WWC1: variants seen among roughly 807,000 people sequenced by gnomAD.
WWC1 encodes the protein WW and C2 domain containing 1, also known as protein KIBRA.
A neutral mutation model predicts 138.4 loss-of-function variants in WWC1; 55 were observed. That is an observed-to-expected ratio of 0.40 (90% confidence interval 0.32 to 0.50). The LOEUF is 0.50. Ranked by LOEUF, WWC1 falls within the 20% of genes least tolerant of loss-of-function variation. The pLI, the probability that WWC1 is intolerant of heterozygous loss-of-function variation, is 0.72. For synonymous variants in WWC1, 524 were observed against 564.9 expected (o/e 0.93, Z 1.03); for missense variants, 1,226 against 1,420.4 (o/e 0.86, Z 2.20).
chr5:168,400,481 G>A (rs1172589776), intron 5 of WWC1, among the ~76,000 whole-genome samples: 2 of 152,160 alleles, frequency 1.3e-5, no homozygotes, highest in Non-Finnish European at 2.9e-5. Context: ...TGATTGTGAC[G>A]ATATTAGCTA....
At position 168,469,214 on chromosome 5, in the gene WWC1, C is replaced by A; in HGVS notation, c.*197C>A. ...ACAGAACAAAAACAAAACACACACACACACAAAAACAGAAACAAAAAAAAC... is the reference window on the plus strand; with the variant it reads ...ACAGAACAAAAACAAAACACACACAAACACAAAAACAGAAACAAAAAAAAC... On this transcript the variant is annotated 3_prime_UTR_variant, in exon 23 of 23. Coordinates refer to ENST00000265293, the MANE Select transcript of WWC1 (RefSeq NM_015238.3). 1 of 553,878 alleles carries A rather than the reference C, an allele frequency of 1.8e-6. No individual in the cohort carries two copies. The highest frequency in any genetic ancestry group is 3.2e-6 in the Non-Finnish European group (1 of 310,288). The allele number at this position is 553,878 out of a possible 1,614,324, so 34.3% of individuals were successfully genotyped here.
Position 168,348,186 on chromosome 5 carries a change from G to A in WWC1, c.120-23238G>A, listed in dbSNP as rs59101962. Among the ~76,000 whole-genome samples, 771 of 152,314 alleles carry A rather than the reference G, an allele frequency of 5.1e-3. 6 individuals are homozygous for A. Among genetic ancestry groups the A allele is most frequent in the African/African-American group, 0.018 (741 of 41,566 alleles). ...CCTGAAGGTGGCCAAGAGAAGTGAT[G>A]TGCACCGGCCACACAGCTGGCAAGT... On this transcript the variant is annotated intron_variant, in intron 1 of 22. Coordinates refer to ENST00000265293, the MANE Select transcript of WWC1 (RefSeq NM_015238.3).
intron 1 of WWC1, among the ~76,000 whole-genome samples, chr5:168,322,522 T>C (rs368234681): frequency 3.3e-5 from 5 of 152,336 alleles, no homozygotes; most frequent in African/African-American, 9.6e-5. Flanking sequence ...GACTAAAAGC[T>C]TTAAGAGGGC....
chr5:168,455,815 G>T (rs1365988974), intron 19 of WWC1, among the ~76,000 whole-genome samples: 1 of 152,138 alleles, frequency 6.6e-6, no homozygotes, highest in Non-Finnish European at 1.5e-5. Context: ...GCTGAGATCA[G>T]AGGGGGACCC....
intron 1 of WWC1, among the ~76,000 whole-genome samples, chr5:168,339,845 C>CTTTTTCT (rs1773844341): frequency 6.1e-5 from 9 of 146,772 alleles, no homozygotes; most frequent in African/African-American, 1.8e-4. Flanking sequence ...TCTTTTCTTT[C>CTTTTTCT]TTTCTTTCTC....
chr5:168,441,101 A>G (rs1049071282), intron 15 of WWC1, among the ~76,000 whole-genome samples: 1 of 152,206 alleles, frequency 6.6e-6, no homozygotes, highest in Non-Finnish European at 1.5e-5. Flanking sequence ...AAGGAATACA[A>G]TTCTGATACA....
At chr5:168,326,448 C>G (rs1212933583) in intron 1 of WWC1, among the ~76,000 whole-genome samples, 2 of 151,970 alleles carry the variant, frequency 1.3e-5, no homozygotes, top group African/African-American at 4.8e-5. Flanking sequence ...AACTCCCCAC[C>G]TCAGGTGATC....
intron 1 of WWC1, among the ~76,000 whole-genome samples, chr5:168,361,074 AGTCTT>A (rs1333542460): frequency 6.6e-6 from 1 of 152,148 alleles, no homozygotes; most frequent in East Asian, 1.9e-4. Flanking sequence ...TGCTGTGTTG[AGTCTT>A]GTCCGTGCAT....
intron 1 of WWC1, among the ~76,000 whole-genome samples, chr5:168,364,113 C>A (rs1053254079): frequency 2.0e-5 from 3 of 152,054 alleles, no homozygotes; most frequent in African/African-American, 7.2e-5. Context: ...CCCCACAACA[C>A]CCTTATGAGA....
intron 3 of WWC1, among the ~76,000 whole-genome samples, chr5:168,395,737 G>T (rs1236798335): frequency 1.3e-5 from 2 of 152,150 alleles, no homozygotes; most frequent in African/African-American, 4.8e-5. Flanking sequence ...CCCAAGTGTT[G>T]TCCCCACTCA....
chr5:168,317,904 C>T lies in WWC1; in HGVS notation c.119+25633C>T, dbSNP rs554045621. On this transcript the variant is annotated intron_variant, in intron 1 of 22. Transcript: ENST00000265293. ...TCAGTGTAATGCAATAGCCCAGTGA[C>T]GTCATGAAAATCCTGGCTTTCTGAG... Among the ~76,000 whole-genome samples the T allele has an allele frequency of 2.6e-5, 4 of 152,222 alleles. No homozygotes were observed. In the East Asian group the frequency reaches 5.8e-4, roughly 22 times the overall value.
chr5:168,299,039 C>T (rs1004361405), intron 1 of WWC1, among the ~76,000 whole-genome samples: 6 of 152,156 alleles, frequency 3.9e-5, no homozygotes, highest in South Asian at 4.1e-4. Context: ...GAGCTGAGAT[C>T]GCGCCTCTGC....
intron 1 of WWC1, among the ~76,000 whole-genome samples, chr5:168,303,944 C>G (rs1770317726): frequency 6.6e-6 from 1 of 152,202 alleles, no homozygotes; most frequent in East Asian, 1.9e-4. Context: ...ACCGCTATTC[C>G]CCTAGACCAC....
chr5:168,432,285 G>A (rs905637559), intron 15 of WWC1, among the ~76,000 whole-genome samples: 1 of 152,160 alleles, frequency 6.6e-6, no homozygotes, highest in African/African-American at 2.4e-5. Flanking sequence ...CTGATCCACA[G>A]TGGGTTCTCG....
At chr5:168,328,044 T>C (rs992960794) in intron 1 of WWC1, among the ~76,000 whole-genome samples, 11 of 152,192 alleles carry the variant, frequency 7.2e-5, no homozygotes, top group Non-Finnish European at 1.5e-4. Flanking sequence ...CAGAGTTGAG[T>C]AACTTGCTTA....
chr5:168,444,695 T>C, intron 17 of WWC1, 110 bp downstream of exon 17: 2 of 1,156,812 alleles, frequency 1.7e-6, no homozygotes, highest in South Asian at 2.8e-5. Flanking sequence ...CTGGGAAGGC[T>C]GAGAACCCCT....
At chr5:168,423,035 A>G (rs1582243233) in intron 10 of WWC1, among the ~76,000 whole-genome samples, 1 of 150,792 alleles carries the variant, frequency 6.6e-6, no homozygotes, top group Admixed American at 6.6e-5. Flanking sequence ...AGTCCCAGCC[A>G]CTTGGGAGGC....
Position 168,448,050 on chromosome 5 carries a change from C to T in WWC1, c.2525+3465C>T, listed in dbSNP as rs557430032. Among the ~76,000 whole-genome samples, 8 of 152,280 alleles carry T rather than the reference C, an allele frequency of 5.3e-5. No individual in the cohort carries two copies. The South Asian group carries it at 8.3e-4, about 16-fold the overall frequency. ...ACTTTTCAAGCCATCTCCTAGCAACCGCCTTCTGTCCCTTCTCCCTTTTTG... is the reference window on the plus strand; with the variant it reads ...ACTTTTCAAGCCATCTCCTAGCAACTGCCTTCTGTCCCTTCTCCCTTTTTG... On this transcript the variant is annotated intron_variant, in intron 17 of 22. Coordinates refer to ENST00000265293, the MANE Select transcript of WWC1 (RefSeq NM_015238.3).
intron 18 of WWC1, 140 bp from the exon 19 acceptor site, chr5:168,455,216 G>C: frequency 9.2e-7 from 1 of 1,091,550 alleles, no homozygotes; most frequent in Non-Finnish European, 1.3e-6. Context: ...CATCTAGCAG[G>C]GCTAATGCCA....
Sources: gnomAD v4.1 joint callset for allele counts (sites outside exome capture counted in the v4.1 genomes callset) on GRCh38, gnomAD v4.1.1 for gene constraint, MANE v1.5 for transcripts, NCBI Gene and HGNC (gene_info 2026-07-23, HGNC 2026-07-21) for gene names.